PIK3R3: variants seen among roughly 807,000 people sequenced by gnomAD.
The protein encoded by PIK3R3 is phosphoinositide-3-kinase regulatory subunit 3.
PIK3R3 carries 64 observed loss-of-function variants against 62.9 expected under a neutral mutation model. The observed-to-expected ratio is 1.02, with a 90% confidence interval of 0.83 to 1.25. The LOEUF (loss-of-function observed/expected upper bound fraction) is 1.25, where lower values mean the gene tolerates loss of function less well. Among genes scored for constraint, PIK3R3 ranks in the 50% most tolerant of loss-of-function variants. The pLI is 0.00. For synonymous variants in PIK3R3, 165 were observed against 189.0 expected (o/e 0.87, Z 1.04); for missense variants, 614 against 561.6 (o/e 1.09, Z -0.94).
At chr1:46,140,014 C>T in the PIK3R3 span, among the ~76,000 whole-genome samples, 1 of 152,078 alleles carries the variant, frequency 6.6e-6, no homozygotes, top group East Asian at 1.9e-4. Context: ...AGAGGAATGG[C>T]GTCTCGCTCT....
intron 3 of PIK3R3, 82 bp from the exon 4 acceptor site, chr1:46,067,173 C>A (rs971830409): frequency 6.7e-6 from 7 of 1,037,832 alleles, no homozygotes; most frequent in African/African-American, 1.7e-5. Context: ...GACGTGAAAG[C>A]TTGGTGTCAC....
At chr1:46,107,291 C>A (rs1468240163) in intron 1 of PIK3R3, among the ~76,000 whole-genome samples, 1 of 151,994 alleles carries the variant, frequency 6.6e-6, no homozygotes, top group African/African-American at 2.4e-5. Flanking sequence ...TTGCAGTAAG[C>A]CTAGATTGCA....
intron 4 of PIK3R3, 31 bp downstream of exon 4, chr1:46,066,880 C>A: frequency 6.6e-7 from 1 of 1,523,596 alleles, no homozygotes; most frequent in Non-Finnish European, 9.1e-7. Flanking sequence ...ATCACTTGCT[C>A]AATAGCTAGC....
chr1:46,105,008 C>T, intron 1 of PIK3R3: 1 of 745,030 alleles, frequency 1.3e-6, no homozygotes, highest in Non-Finnish European at 2.5e-6. Context: ...AAGGCAGAGC[C>T]ACCAGAAACA....
chr1:46,150,775 C>T, the PIK3R3 span, among the ~76,000 whole-genome samples: 2 of 149,280 alleles, frequency 1.3e-5, no homozygotes, highest in African/African-American at 4.9e-5. Context: ...TCTAGATACT[C>T]TATTCCTACA....
the PIK3R3 span, among the ~76,000 whole-genome samples, chr1:46,138,421 A>G: frequency 6.6e-6 from 1 of 152,230 alleles, no homozygotes; most frequent in Non-Finnish European, 1.5e-5. Flanking sequence ...ACACTTTGGG[A>G]GGCTGAGGCA....
intron 7 of PIK3R3, among the ~76,000 whole-genome samples, chr1:46,052,826 T>C (rs932829959): frequency 1.3e-5 from 2 of 152,168 alleles, no homozygotes; most frequent in Non-Finnish European, 2.9e-5. Context: ...AGAATCCTTG[T>C]GGGCTATGGA....
intron 1 of PIK3R3, among the ~76,000 whole-genome samples, chr1:46,083,906 AT>A (rs1173391012): frequency 6.6e-6 from 1 of 152,198 alleles, no homozygotes; most frequent in East Asian, 1.9e-4. Context: ...TTGCCCAGCA[AT>A]TTCACTCTTA....
chr1:46,063,568 T>C (rs372534485), intron 5 of PIK3R3, among the ~76,000 whole-genome samples: 1 of 152,208 alleles, frequency 6.6e-6, no homozygotes, highest in Non-Finnish European at 1.5e-5. Flanking sequence ...CTGGTAGATA[T>C]ATTGGTAAGT....
chr1:46,078,990 G>A (rs532542849), intron 2 of PIK3R3, among the ~76,000 whole-genome samples: 1 of 152,250 alleles, frequency 6.6e-6, no homozygotes, highest in Admixed American at 6.5e-5. Context: ...GGGGGTTATT[G>A]TTTAATGGGT....
the PIK3R3 span, among the ~76,000 whole-genome samples, chr1:46,142,144 C>G: frequency 3.9e-5 from 6 of 152,296 alleles, no homozygotes; most frequent in Non-Finnish European, 7.4e-5. Context: ...TCTGAAGAAG[C>G]ATGTCTTTCC....
intron 3 of PIK3R3, among the ~76,000 whole-genome samples, chr1:46,071,471 A>T (rs1408957608): frequency 6.6e-6 from 1 of 151,352 alleles, no homozygotes; most frequent in Non-Finnish European, 1.5e-5. Context: ...CGAGGCGGGC[A>T]GATCACCTGA....
chr1:46,144,058 T>C, the PIK3R3 span, among the ~76,000 whole-genome samples: 1 of 152,182 alleles, frequency 6.6e-6, no homozygotes, highest in African/African-American at 2.4e-5. Context: ...TCCCTGGCCA[T>C]AGCTGGTAGG....
intron 1 of PIK3R3, among the ~76,000 whole-genome samples, chr1:46,100,992 G>A (rs908561279): frequency 6.6e-6 from 1 of 151,378 alleles, no homozygotes; most frequent in Non-Finnish European, 1.5e-5. Context: ...TAGTCAACAT[G>A]GCAAAACACT....
intron 1 of PIK3R3, among the ~76,000 whole-genome samples, chr1:46,108,398 T>C (rs1653410431): frequency 6.6e-6 from 1 of 152,202 alleles, no homozygotes. Flanking sequence ...TCTATTCCCA[T>C]ACCACAGCTA....
the PIK3R3 span, among the ~76,000 whole-genome samples, chr1:46,164,904 A>G: frequency 2.0e-5 from 3 of 151,580 alleles, no homozygotes; most frequent in Non-Finnish European, 4.4e-5. Flanking sequence ...GCATGATCAT[A>G]TCTCGTTGCA....
the PIK3R3 span, among the ~76,000 whole-genome samples, chr1:46,142,383 A>G: frequency 6.6e-6 from 1 of 152,210 alleles, no homozygotes; most frequent in Non-Finnish European, 1.5e-5. Context: ...AGGAGAGCAC[A>G]TCGCTCTTTG....
intron 1 of PIK3R3, among the ~76,000 whole-genome samples, chr1:46,088,701 G>A (rs1167112997): frequency 1.3e-5 from 2 of 151,982 alleles, no homozygotes; most frequent in Non-Finnish European, 2.9e-5. Flanking sequence ...AAAGCAGGAA[G>A]AGAAACATTA....
the PIK3R3 span, among the ~76,000 whole-genome samples, chr1:46,153,699 G>A: frequency 6.6e-6 from 1 of 152,208 alleles, no homozygotes; most frequent in African/African-American, 2.4e-5. Context: ...AATGAAGGAT[G>A]TCTGTACTCC....
Sources: allele counts gnomAD v4.1 joint callset (sites outside exome capture counted in the v4.1 genomes callset), GRCh38; gene constraint gnomAD v4.1.1; transcripts MANE v1.5; gene names NCBI Gene and HGNC (gene_info 2026-07-23, HGNC 2026-07-21).